Variants in MYRFL observed in about 807,000 individuals in gnomAD.
MYRFL encodes myelin regulatory factor like, also known as myelin regulatory factor-like protein.
In MYRFL, 88 loss-of-function variants were observed where a neutral mutation model predicts 109.4. That is an observed-to-expected ratio of 0.80 (90% CI 0.68 to 0.96). The LOEUF is 0.96. MYRFL is among the 40% of genes least tolerant of loss of function. The probability of loss-of-function intolerance (pLI) is 0.00; values close to 1 mark genes in which losing one functional copy is unlikely to be tolerated. For missense variants in MYRFL, 957 were observed against 954.9 expected, an observed-to-expected ratio of 1.00 and a Z score of -0.03; for synonymous variants, 324 against 320.9, an observed-to-expected ratio of 1.01 and a Z score of -0.10.
At chr12:69,950,808 A>G (rs1565651768) in intron 19 of MYRFL, among the ~76,000 whole-genome samples, 1 of 152,204 alleles carries the variant, frequency 6.6e-6, no homozygotes, top group Non-Finnish European at 1.5e-5. Context: ...CTGAGATAGC[A>G]ATACTAAGAT....
chr12:69,865,943 G>T (rs1884991868), intron 2 of MYRFL, among the ~76,000 whole-genome samples: 1 of 152,120 alleles, frequency 6.6e-6, no homozygotes, highest in South Asian at 2.1e-4. Flanking sequence ...TTATATATTT[G>T]ATGTAATATA....
intron 1 of MYRFL, among the ~76,000 whole-genome samples, chr12:69,829,642 C>T (rs1415601697): frequency 6.6e-6 from 1 of 152,100 alleles, no homozygotes; most frequent in Non-Finnish European, 1.5e-5. Flanking sequence ...AGGGCTGGGG[C>T]ACCCAGCAAG....
intron 13 of MYRFL, among the ~76,000 whole-genome samples, chr12:69,923,241 A>T (rs1233819438): frequency 6.6e-6 from 1 of 152,094 alleles, no homozygotes; most frequent in Non-Finnish European, 1.5e-5. Context: ...TTATTTTCTC[A>T]TATTGAAAGA....
intron 11 of MYRFL, among the ~76,000 whole-genome samples, chr12:69,905,185 T>C (rs1210484291): frequency 1.3e-5 from 2 of 152,234 alleles, no homozygotes; most frequent in African/African-American, 4.8e-5. Flanking sequence ...CAATTGGCTA[T>C]ACAATTCACT....
chr12:69,836,039 C>T (rs1394524993), intron 1 of MYRFL, among the ~76,000 whole-genome samples: 2 of 152,192 alleles, frequency 1.3e-5, no homozygotes, highest in African/African-American at 2.4e-5. Context: ...TCGGATCACA[C>T]GTGGGCTTGG....
In MYRFL at chr12:69,825,349, C is replaced by T; in HGVS notation, c.-169C>T. The stretch of plus-strand genomic sequence containing the variant: ...TTTATAATCACATTTGAAAACTCAA[C>T]CATCTTTCTGGGCACAATTTGATGG... On this transcript the variant is annotated 5_prime_UTR_variant, in exon 1 of 25. Coordinates refer to ENST00000552032, the MANE Select transcript of MYRFL (RefSeq NM_182530.3). 1.4e-6 allele frequency: 1 copy of T among 697,242 alleles called. No homozygotes were observed. The highest frequency in any genetic ancestry group is 2.6e-6 in the Non-Finnish European group (1 of 381,908). 43.2% of individuals were successfully genotyped at this position (697,242 alleles called of 1,614,324 possible). A position where few individuals can be genotyped will look rare whatever the true frequency, so the allele number is the denominator to read the frequency against.
intron 19 of MYRFL, among the ~76,000 whole-genome samples, chr12:69,941,873 A>G (rs1302630511): frequency 1.3e-5 from 2 of 150,216 alleles, no homozygotes; most frequent in Admixed American, 6.6e-5. Flanking sequence ...ATCCCACAGA[A>G]ATACAAACTA....
chr12:69,906,575 A>G (rs995407603), intron 11 of MYRFL, among the ~76,000 whole-genome samples: 2 of 150,826 alleles, frequency 1.3e-5, no homozygotes, highest in Admixed American at 6.6e-5. Flanking sequence ...AGAAAAGGGA[A>G]TCGTTAAGAT....
intron 1 of MYRFL, among the ~76,000 whole-genome samples, chr12:69,848,150 G>A (rs1883669181): frequency 6.6e-6 from 1 of 151,668 alleles, no homozygotes; most frequent in African/African-American, 2.4e-5. Context: ...GTTTATTTCT[G>A]GACTTTATTA....
At chr12:69,884,603 T>C (rs1886332009) in intron 5 of MYRFL, among the ~76,000 whole-genome samples, 1 of 152,218 alleles carries the variant, frequency 6.6e-6, no homozygotes, top group African/African-American at 2.4e-5. Context: ...GGAAAGGGCA[T>C]GATTTAGCCA....
chr12:69,863,038 A>AT (rs1349848212), intron 2 of MYRFL, among the ~76,000 whole-genome samples: 1 of 151,856 alleles, frequency 6.6e-6, no homozygotes, highest in East Asian at 1.9e-4. Flanking sequence ...TTCTGTTTAT[A>AT]TGCTGGATTA....
At chr12:69,952,325 G>C in intron 20 of MYRFL, 150 bp downstream of exon 20, 1 of 682,958 alleles carries the variant, frequency 1.5e-6, no homozygotes, top group Non-Finnish European at 2.5e-6. Flanking sequence ...TATAATCGAT[G>C]CCACCCTAAC....
chr12:69,869,913 A>G (rs1156981389), intron 2 of MYRFL, among the ~76,000 whole-genome samples: 5 of 152,160 alleles, frequency 3.3e-5, no homozygotes, highest in East Asian at 1.9e-4. Context: ...TATCACCTCA[A>G]CTAGCTGGAG....
chr12:69,891,678 TTTCTTTCGTTCGTTCG>T (rs1886898824), intron 7 of MYRFL, among the ~76,000 whole-genome samples: 1 of 112,534 alleles, frequency 8.9e-6, no homozygotes, highest in African/African-American at 4.1e-5. Flanking sequence ...TCTTTCTTTC[TTTCTTTCGTTCGTTCG>T]TTCTTTCTTT....
intron 2 of MYRFL, among the ~76,000 whole-genome samples, chr12:69,876,094 A>C (rs1885646354): frequency 6.6e-6 from 1 of 152,204 alleles, no homozygotes; most frequent in East Asian, 1.9e-4. Context: ...CACAGAATCC[A>C]GGGGTCCCCT....
intron 1 of MYRFL, among the ~76,000 whole-genome samples, chr12:69,846,659 C>T (rs185862291): frequency 0.01 from 1,524 of 152,246 alleles, 11 homozygotes; most frequent in Non-Finnish European, 0.016. Context: ...AATAAACATA[C>T]GTGTCCATGT....
rs541953680 is a variant in MYRFL, at chr12:69,886,503, C to T, written c.557-317C>T. ...GATTGAGCTGGGTCACCTATCCTCCCGGCTCTGGGAATGAACTTCACTGCA... is the reference window on the plus strand; with the variant it reads ...GATTGAGCTGGGTCACCTATCCTCCTGGCTCTGGGAATGAACTTCACTGCA... On this transcript the variant is annotated intron_variant, in intron 5 of 24. Coordinates refer to ENST00000552032, the MANE Select transcript of MYRFL (RefSeq NM_182530.3). Among the ~76,000 whole-genome samples, 6 of 152,246 alleles carry T rather than the reference C, an allele frequency of 3.9e-5. No homozygotes were observed. The South Asian group carries it at 1.0e-3, about 26-fold the overall frequency.
chr12:69,880,189 T>A lies in MYRFL; in HGVS notation c.465-12T>A. On this transcript the variant is annotated splice_polypyrimidine_tract_variant and intron_variant, in intron 4 of 24. Transcript: ENST00000552032. ...AAGAATCCTAACCTTCGTTTTGGTG[T>A]CTTGATTTTAGAGCCTCATTGCCTC... 2.8e-6 allele frequency: 2 copies of A among 702,382 alleles called. No individual in the cohort carries two copies. Among genetic ancestry groups the A allele is most frequent in the Non-Finnish European group, 2.6e-6 (1 of 384,662 alleles). The allele number at this position is 702,382 out of a possible 1,614,324, so 43.5% of individuals were successfully genotyped here. A position where few individuals can be genotyped will look rare whatever the true frequency, so the allele number is the denominator to read the frequency against.
chr12:69,881,892 T>C (rs988161625), intron 5 of MYRFL, among the ~76,000 whole-genome samples: 5 of 152,330 alleles, frequency 3.3e-5, no homozygotes, highest in Admixed American at 6.5e-5. Flanking sequence ...GCTTTTTTTA[T>C]GATTCTCAGA....
Sources: allele counts gnomAD v4.1 joint callset (sites outside exome capture counted in the v4.1 genomes callset), GRCh38; gene constraint gnomAD v4.1.1; transcripts MANE v1.5; gene names NCBI Gene and HGNC (gene_info 2026-07-23, HGNC 2026-07-21).